The following SCCPDH variants were observed in gnomAD, a reference collection of about 807,000 sequenced individuals.
SCCPDH encodes the protein saccharopine dehydrogenase-like oxidoreductase.
Under a neutral mutation model 51.5 loss-of-function variants are expected in SCCPDH, and 34 were observed. The observed-to-expected ratio is 0.66, with a 90% CI of 0.50 to 0.88. The LOEUF (loss-of-function observed/expected upper bound fraction) is 0.88. Ranked by LOEUF, SCCPDH falls within the 40% of genes least tolerant of loss-of-function variation. SCCPDH has a pLI of 0.00. For synonymous variants in SCCPDH, 187 were observed against 191.3 expected, an observed-to-expected ratio of 0.98 and a Z score of 0.19; for missense variants, 464 against 527.1, an observed-to-expected ratio of 0.88 and a Z score of 1.17.
chr1:246,750,274 T>C (rs1014588753), intron 5 of SCCPDH, among the ~76,000 whole-genome samples: 2 of 152,156 alleles, frequency 1.3e-5, no homozygotes, highest in Non-Finnish European at 2.9e-5. Flanking sequence ...GACCTATAGT[T>C]CTGAGGGACG....
At chr1:246,752,203 CTT>C (rs1668861131) in intron 5 of SCCPDH, among the ~76,000 whole-genome samples, 1 of 152,072 alleles carries the variant, frequency 6.6e-6, no homozygotes, top group Non-Finnish European at 1.5e-5. Context: ...ACATGTTAGA[CTT>C]AACTTTTAGC....
rs145653740 is a variant in SCCPDH at position 246,746,578 on chromosome 1, C to T, written c.564+2453C>T. 5.7e-3 allele frequency among the ~76,000 whole-genome samples: 865 copies of T among 152,294 alleles called. 6 individuals carry two copies. Among genetic ancestry groups the T allele is most frequent in the African/African-American group, 0.016 (656 of 41,562 alleles). ...AGAAGTGGCTAGGCGCAGTGGCTCA[C>T]GCCTGTAATCCCAGCACTTTGGGAG... is the stretch of plus-strand genomic sequence containing the variant. On this transcript the variant is annotated intron_variant, in intron 5 of 11. Transcript: ENST00000366510.
chr1:246,731,942 C>G (rs1011279961), intron 2 of SCCPDH, among the ~76,000 whole-genome samples: 1 of 151,944 alleles, frequency 6.6e-6, no homozygotes, highest in African/African-American at 2.4e-5. Flanking sequence ...CAGTTCCCAC[C>G]TGTGAGTGAG....
At chr1:246,737,735 G>A (rs1668618302) in intron 3 of SCCPDH, among the ~76,000 whole-genome samples, 1 of 151,976 alleles carries the variant, frequency 6.6e-6, no homozygotes, top group South Asian at 2.1e-4. Context: ...GGGGGTACAG[G>A]TGCACACCAC....
At chr1:246,732,626 G>A (rs1030668182) in intron 2 of SCCPDH, among the ~76,000 whole-genome samples, 1 of 152,134 alleles carries the variant, frequency 6.6e-6, no homozygotes. Context: ...GACCTCAGGT[G>A]ATCCACCTGC....
intron 2 of SCCPDH, among the ~76,000 whole-genome samples, chr1:246,734,160 A>G (rs564908099): frequency 1.6e-4 from 25 of 152,288 alleles, no homozygotes; most frequent in Non-Finnish European, 3.1e-4. Context: ...ATTCTAAAGC[A>G]GGTGGACTCA....
rs766869548 is a variant in SCCPDH, at chr1:246,768,112, A to G, written c.*812A>G. 8 of 152,194 alleles carry G rather than the reference A, an allele frequency of 5.3e-5. No homozygotes were observed. The highest frequency in any genetic ancestry group is 1.2e-4 in the Non-Finnish European group (8 of 68,032). The allele number at this position is 152,194 out of a possible 1,614,324, so 9.4% of individuals were successfully genotyped here. On this transcript the variant is annotated 3_prime_UTR_variant, in exon 12 of 12. Coordinates refer to ENST00000366510, the MANE Select transcript of SCCPDH (RefSeq NM_016002.3). ...AGACTTTTTCTTTTGTAATAAGCAT[A>G]TAATAAACACGTATATACATAGCAA... is the stretch of plus-strand genomic sequence containing the variant.
intron 5 of SCCPDH, among the ~76,000 whole-genome samples, chr1:246,751,923 C>T (rs969960701): frequency 2.2e-4 from 32 of 148,056 alleles, no homozygotes; most frequent in African/African-American, 7.8e-4. Context: ...CAGGCTCCCG[C>T]CACCACGCCC....
intron 4 of SCCPDH, among the ~76,000 whole-genome samples, chr1:246,741,206 A>G (rs1182998376): frequency 2.0e-5 from 3 of 152,242 alleles, no homozygotes; most frequent in African/African-American, 7.2e-5. Context: ...TATATTAAAA[A>G]GTTAGCATAA....
chr1:246,747,106 T>C (rs1219057753), intron 5 of SCCPDH, among the ~76,000 whole-genome samples: 2 of 152,334 alleles, frequency 1.3e-5, no homozygotes, highest in East Asian at 3.9e-4. Flanking sequence ...TGGATCTAGA[T>C]GTTCAAATGA....
chr1:246,752,591 CTT>C (rs2102988038), intron 5 of SCCPDH, among the ~76,000 whole-genome samples: 1 of 152,272 alleles, frequency 6.6e-6, no homozygotes, highest in Non-Finnish European at 1.5e-5. Flanking sequence ...ATTGCTTTCT[CTT>C]TTCTACTTCC....
At chr1:246,726,811 C>T (rs1346008855) in intron 1 of SCCPDH, 81 bp from the exon 2 acceptor site, 3 of 932,352 alleles carry the variant, frequency 3.2e-6, no homozygotes, top group Non-Finnish European at 5.1e-6. Flanking sequence ...AATTTGCTGT[C>T]ACTGATTACT....
At chr1:246,749,227 G>C (rs1668815082) in intron 5 of SCCPDH, among the ~76,000 whole-genome samples, 1 of 152,214 alleles carries the variant, frequency 6.6e-6, no homozygotes, top group South Asian at 2.1e-4. Flanking sequence ...CCTGCCTGTT[G>C]CACAAGCATA....
intron 5 of SCCPDH, among the ~76,000 whole-genome samples, chr1:246,754,612 G>A (rs138545218): frequency 0.011 from 1,604 of 152,326 alleles, 15 homozygotes; most frequent in Middle Eastern, 0.051. Context: ...CGAGCTCCGC[G>A]AGTGAGCAAT....
At chr1:246,734,858 A>G (rs971909615) in intron 2 of SCCPDH, among the ~76,000 whole-genome samples, 1 of 152,258 alleles carries the variant, frequency 6.6e-6, no homozygotes, top group Non-Finnish European at 1.5e-5. Context: ...TAGCTTTTAC[A>G]TATGAAAATT....
At chr1:246,736,181 T>A (rs1052068862) in intron 3 of SCCPDH, 126 bp downstream of exon 3, 7 of 635,176 alleles carry the variant, frequency 1.1e-5, no homozygotes, top group African/African-American at 1.8e-5. Context: ...CATTCAGATA[T>A]GGTATTCGTG....
At chr1:246,728,906 G>C (rs763989498) in intron 2 of SCCPDH, among the ~76,000 whole-genome samples, 1 of 152,092 alleles carries the variant, frequency 6.6e-6, no homozygotes, top group Non-Finnish European at 1.5e-5. Flanking sequence ...TTCAACATAG[G>C]TTCTTTTCTA....
At chr1:246,745,988 G>T (rs1188985767) in intron 5 of SCCPDH, among the ~76,000 whole-genome samples, 1 of 151,740 alleles carries the variant, frequency 6.6e-6, no homozygotes, top group Non-Finnish European at 1.5e-5. Flanking sequence ...GGCACCTGTA[G>T]TCCCAGCTAC....
chr1:246,766,082 T>C lies in SCCPDH; in HGVS notation c.1127T>C (p.Ile376Thr). The change falls in exon 11 of 12, where the codon ATA (isoleucine) becomes ACA (threonine). Residue 376 changes from isoleucine (I) to threonine (T), a missense_variant. Coordinates refer to ENST00000366510, the MANE Select transcript of SCCPDH (RefSeq NM_016002.3). Reference protein sequence around the residue: ...GPEAGYVATPIAMVQAAMTLL... With the variant: ...GPEAGYVATPTAMVQAAMTLL... ...GAGGCTGGCTATGTGGCTACCCCCA[T>C]AGCTATGGTTCAGGCAGCCATGACT... 6 of 1,613,408 alleles carry C rather than the reference T, an allele frequency of 3.7e-6. No homozygotes were observed. Among genetic ancestry groups the C allele is most frequent in the Non-Finnish European group, 4.2e-6 (5 of 1,179,616 alleles).
Sources: allele counts gnomAD v4.1 joint callset (sites outside exome capture counted in the v4.1 genomes callset), GRCh38; gene constraint gnomAD v4.1.1; transcripts MANE v1.5; gene names NCBI Gene and HGNC (gene_info 2026-07-23, HGNC 2026-07-21).